Variants in ORC5 observed in about 807,000 individuals in gnomAD.
The protein encoded by ORC5 is origin recognition complex subunit 5.
A neutral mutation model predicts 58.8 loss-of-function variants in ORC5; 39 were observed. That is an observed-to-expected ratio of 0.66 (90% CI 0.51 to 0.87). The LOEUF (loss-of-function observed/expected upper bound fraction) is 0.87, where lower values mean the gene tolerates loss of function less well. Among genes scored for constraint, ORC5 ranks in the 40% least tolerant of loss-of-function variants. The probability of loss-of-function intolerance (pLI) is 0.00; values close to 1 mark genes in which losing one functional copy is unlikely to be tolerated. For missense variants in ORC5, 493 were observed against 506.3 expected, an observed-to-expected ratio of 0.97 and a Z score of 0.25; for synonymous variants, 218 against 177.6, an observed-to-expected ratio of 1.23 and a Z score of -1.81.
intron 12 of ORC5, among the ~76,000 whole-genome samples, chr7:104,143,649 C>A (rs1412125705): frequency 1.3e-5 from 2 of 151,496 alleles, no homozygotes; most frequent in African/African-American, 2.4e-5. Context: ...AAGAACTAAA[C>A]CTAAAAAAAG....
chr7:104,196,965 A>T (rs1799814187), intron 4 of ORC5, among the ~76,000 whole-genome samples: 1 of 152,170 alleles, frequency 6.6e-6, no homozygotes, highest in Non-Finnish European at 1.5e-5. Context: ...AACTATTACA[A>T]AACCCTGTTT....
chr7:104,156,337 T>C (rs1409733007), intron 12 of ORC5, among the ~76,000 whole-genome samples: 3 of 151,564 alleles, frequency 2.0e-5, no homozygotes, highest in Admixed American at 2.0e-4. Context: ...TCTCTTCACT[T>C]ACTTGTGAGA....
chr7:104,205,255 A>T lies in ORC5; in HGVS notation c.73-1021T>A, dbSNP rs187648617. 6.3e-3 allele frequency among the ~76,000 whole-genome samples: 949 copies of T among 151,510 alleles called. 14 individuals carry two copies. The highest frequency in any genetic ancestry group is 0.022 in the African/African-American group (906 of 41,248). On this transcript the variant is annotated intron_variant, in intron 1 of 13. Coordinates refer to ENST00000297431, the MANE Select transcript of ORC5 (RefSeq NM_002553.4). ...CAGGTGTGTGCCACCACACCCAGCT[A>T]ATTTTTGTATTTTTAGTTAAGACGG...
At chr7:104,171,756 A>G (rs1021241091) in intron 8 of ORC5, among the ~76,000 whole-genome samples, 1 of 152,168 alleles carries the variant, frequency 6.6e-6, no homozygotes, top group Non-Finnish European at 1.5e-5. Context: ...CGGGAGGCTC[A>G]GGTGGTAGGA....
At chr7:104,166,039 T>A (rs1399982795) in intron 10 of ORC5, among the ~76,000 whole-genome samples, 1 of 150,052 alleles carries the variant, frequency 6.7e-6, no homozygotes, top group Non-Finnish European at 1.5e-5. Flanking sequence ...CTCAAAAAAA[T>A]AAAAAAAAAT....
At chr7:104,173,058 G>C (rs1268323930) in intron 8 of ORC5, among the ~76,000 whole-genome samples, 1 of 149,258 alleles carries the variant, frequency 6.7e-6, no homozygotes, top group Non-Finnish European at 1.5e-5. Flanking sequence ...CCAACAAGTA[G>C]AGCCAGGGAG....
In ORC5 at chr7:104,183,974, T is replaced by C. The variant is rs768812749; in HGVS notation, c.793A>G (p.Met265Val). 3.3e-5 allele frequency: 53 copies of C among 1,613,462 alleles called. No individual in the cohort carries two copies. The highest frequency in any genetic ancestry group is 3.7e-5 in the Non-Finnish European group (44 of 1,179,684). Reference protein sequence around the residue: ...RNIEPHLKKAMQTVYLREISS... With the variant: ...RNIEPHLKKAVQTVYLREISS... The stretch of plus-strand genomic sequence containing the variant: ...ATTTCCCTGAGATAAACAGTCTGCA[T>C]AGCTTTCTTCAAATGAGGTTCAATA... The change falls in exon 8 of 14, where the codon ATG becomes GTG. Residue 265 changes from methionine (M) to valine (V), a missense_variant. Transcript: ENST00000297431.
Position 104,184,141 on chromosome 7 carries a change from G to T in ORC5, c.715C>A (p.Pro239Thr). Residue 239 changes from proline to threonine, a missense_variant, in exon 7 of 14, where the codon CCC (proline) becomes ACC (threonine). By Grantham distance (38) the Pro-to-Thr change is conservative. This residue lies in a region of ORC5 where 412 missense variants were observed against 403.7 expected (regional missense o/e 1.02). Coordinates refer to ENST00000297431, the MANE Select transcript of ORC5 (RefSeq NM_002553.4). ...AVLNFPKYCEPVVKGEASERD... is the reference protein window; with the variant it reads ...AVLNFPKYCETVVKGEASERD... Reference sequence around the variant, plus strand: ...CAGTTACCTTCTCCTTTAACCACGGGTTCACAATATTTAGGAAAATTAAGT... The same window carrying T: ...CAGTTACCTTCTCCTTTAACCACGGTTTCACAATATTTAGGAAAATTAAGT... The T allele has an allele frequency of 6.3e-7, 1 of 1,583,462 alleles. No individual in the cohort carries two copies. The highest frequency in any genetic ancestry group is 8.6e-7 in the Non-Finnish European group (1 of 1,160,454).
Position 104,197,708 on chromosome 7 carries a change from T to C in ORC5, c.441+17A>G. ...TGATTAAGTTGTGGGGAGAAAGCAC[T>C]TTCTCACATTACTTACCAATTCTTG... On this transcript the variant is annotated intron_variant, in intron 4 of 13. Transcript: ENST00000297431. 6.4e-6 allele frequency: 10 copies of C among 1,568,872 alleles called. No homozygotes were observed. The highest frequency in any genetic ancestry group is 1.4e-5 in the African/African-American group (1 of 73,498).
At chr7:104,134,723 C>G (rs1267673466) in intron 13 of ORC5, among the ~76,000 whole-genome samples, 1 of 151,926 alleles carries the variant, frequency 6.6e-6, no homozygotes, top group Non-Finnish European at 1.5e-5. Flanking sequence ...AGCAGCATCC[C>G]AAAGAAGGAA....
chr7:104,158,348 C>T (rs942322864), intron 12 of ORC5, among the ~76,000 whole-genome samples: 5 of 152,020 alleles, frequency 3.3e-5, no homozygotes, highest in East Asian at 3.8e-4. Flanking sequence ...AAGACTTAAA[C>T]GTTAGACCTA....
At chr7:104,137,901 C>T (rs1236329490) in intron 12 of ORC5, among the ~76,000 whole-genome samples, 1 of 152,210 alleles carries the variant, frequency 6.6e-6, no homozygotes, top group East Asian at 1.9e-4. Context: ...TACAGAAAGC[C>T]CTCTCTCCTT....
At chr7:104,140,927 T>C (rs1260837125) in intron 12 of ORC5, among the ~76,000 whole-genome samples, 1 of 152,218 alleles carries the variant, frequency 6.6e-6, no homozygotes, top group African/African-American at 2.4e-5. Context: ...CATTAGAAGA[T>C]TGCTAGATTC....
intron 4 of ORC5, among the ~76,000 whole-genome samples, chr7:104,196,223 C>A (rs1799798911): frequency 6.6e-6 from 1 of 152,116 alleles, no homozygotes; most frequent in Admixed American, 6.5e-5. Context: ...ACAGGGTGAT[C>A]TACACTGAAA....
chr7:104,173,160 T>C (rs1458738323), intron 8 of ORC5, among the ~76,000 whole-genome samples: 1 of 152,160 alleles, frequency 6.6e-6, no homozygotes, highest in Non-Finnish European at 1.5e-5. Flanking sequence ...AAGGCCATCA[T>C]AACCTTATAC....
intron 11 of ORC5, among the ~76,000 whole-genome samples, chr7:104,162,578 A>G (rs1469315104): frequency 6.6e-6 from 1 of 152,228 alleles, no homozygotes; most frequent in Non-Finnish European, 1.5e-5. Context: ...CCTACTCAGA[A>G]TTATACAATG....
chr7:104,140,221 G>C (rs1798651210), intron 12 of ORC5, among the ~76,000 whole-genome samples: 1 of 151,922 alleles, frequency 6.6e-6, no homozygotes, highest in Non-Finnish European at 1.5e-5. Context: ...TAATCAGTCT[G>C]ACAACTTTTA....
chr7:104,184,198 G>A, intron 6 of ORC5, 27 bp from the exon 7 acceptor site: 1 of 1,374,004 alleles, frequency 7.3e-7, no homozygotes, highest in Non-Finnish European at 1.0e-6. Context: ...AAAAAGAGAA[G>A]AAAAAAAGCA....
chr7:104,150,262 T>C lies in ORC5; in HGVS notation c.1149+10810A>G, dbSNP rs1480679809. 2.6e-5 allele frequency among the ~76,000 whole-genome samples: 4 copies of C among 152,180 alleles called. No homozygotes were observed. In the East Asian group the frequency reaches 5.8e-4, roughly 22 times the overall value. On this transcript the variant is annotated intron_variant, in intron 12 of 13. Transcript: ENST00000297431. ...TATATGTCCATTGACTTAAGAAATA[T>C]CCTATCCTGCTTGTCCTGGAGGAGC...
Sources: allele counts gnomAD v4.1 joint callset (sites outside exome capture counted in the v4.1 genomes callset), GRCh38; gene constraint gnomAD v4.1.1; regional missense constraint gnomAD v4.1.1; transcripts MANE v1.5; gene names NCBI Gene and HGNC (gene_info 2026-07-23, HGNC 2026-07-21).